The following ATP11A variants were observed in gnomAD, a reference collection of about 807,000 sequenced individuals.
ATP11A encodes ATPase phospholipid transporting 11A, also known as phospholipid-transporting ATPase IH.
Under a neutral mutation model 154.4 loss-of-function variants are expected in ATP11A, and 81 were observed. That is an observed-to-expected ratio of 0.52 (90% CI 0.44 to 0.63). The LOEUF is 0.63. ATP11A is among the 30% of genes least tolerant of loss of function. The pLI is 0.00. For missense variants in ATP11A, 1,316 were observed against 1,474.3 expected, an observed-to-expected ratio of 0.89 and a Z score of 1.76; for synonymous variants, 623 against 585.9, an observed-to-expected ratio of 1.06 and a Z score of -0.91.
intron 1 of ATP11A, among the ~76,000 whole-genome samples, chr13:112,714,708 A>C (rs553697940): frequency 6.6e-6 from 1 of 152,314 alleles, no homozygotes; most frequent in South Asian, 2.1e-4. Flanking sequence ...TGCTGAGAGC[A>C]CCGAGAGCCC....
At chr13:112,700,537 G>A (rs79379095) in intron 1 of ATP11A, among the ~76,000 whole-genome samples, 1,633 of 152,334 alleles carry the variant, frequency 0.011, 10 homozygotes, top group Non-Finnish European at 0.017. Flanking sequence ...TGAGGGTGGT[G>A]GGTGGGCGCA....
chr13:112,832,868 G>A lies in ATP11A; in HGVS notation c.1404G>A (p.Glu468=). The change falls in exon 14 of 30, where the codon GAG becomes GAA. Residue 468 remains glutamate (E), a synonymous_variant. Coordinates refer to ENST00000375645, the MANE Select transcript of ATP11A (RefSeq NM_015205.3). ...GAACTGCTTTTTTATAGGAGCGCGAGGAGCTGTTTTTCCGGGCCCTCTGTC... is the reference window on the plus strand; with the variant it reads ...GAACTGCTTTTTTATAGGAGCGCGAAGAGCTGTTTTTCCGGGCCCTCTGTC... ...SSPSVNGRER[E]ELFFRALCLC... The A allele has an allele frequency of 1.2e-6, 2 of 1,613,062 alleles. No individual in the cohort carries two copies. Among genetic ancestry groups the A allele is most frequent in the Non-Finnish European group, 1.7e-6 (2 of 1,179,228 alleles).
chr13:112,728,840 T>C (rs1182106079), intron 1 of ATP11A, among the ~76,000 whole-genome samples: 1 of 152,180 alleles, frequency 6.6e-6, no homozygotes, highest in Admixed American at 6.5e-5. Context: ...GGAATGGATA[T>C]ACAAACAGTT....
At chr13:112,692,091 G>A (rs1885264816) in intron 1 of ATP11A, among the ~76,000 whole-genome samples, 1 of 152,166 alleles carries the variant, frequency 6.6e-6, no homozygotes, top group Non-Finnish European at 1.5e-5. Flanking sequence ...GTGACTATAG[G>A]TAACCTGCAG....
intron 1 of ATP11A, among the ~76,000 whole-genome samples, chr13:112,739,233 C>G (rs772502167): frequency 2.0e-5 from 3 of 152,194 alleles, no homozygotes; most frequent in Non-Finnish European, 2.9e-5. Flanking sequence ...TCTGGTCAGG[C>G]ATTTGCATCC....
At chr13:112,720,463 G>A (rs1889018922) in intron 1 of ATP11A, among the ~76,000 whole-genome samples, 1 of 152,262 alleles carries the variant, frequency 6.6e-6, no homozygotes, top group Admixed American at 6.5e-5. Flanking sequence ...TTCGTCTGCT[G>A]TGGCCGCGGG....
At chr13:112,798,582 G>A (rs779689002) in intron 2 of ATP11A, among the ~76,000 whole-genome samples, 16 of 152,326 alleles carry the variant, frequency 1.1e-4, no homozygotes, top group African/African-American at 2.9e-4. Flanking sequence ...AGGAATCTGC[G>A]CCACACACAC....
Position 112,690,479 on chromosome 13 carries a change from G to A in ATP11A, c.39+24G>A, listed in dbSNP as rs763959264. 3 of 1,324,976 alleles carry A rather than the reference G, an allele frequency of 2.3e-6. No homozygotes were observed. The highest frequency in any genetic ancestry group is 2.9e-6 in the Non-Finnish European group (3 of 1,036,250). 82.1% of individuals were successfully genotyped at this position (1,324,976 alleles called of 1,614,324 possible). The stretch of plus-strand genomic sequence containing the variant: ...ACGTGAGTGCTCCCGGCGCGGGCTG[G>A]GGGACCCGGGGACCAGACAGACGCG... On this transcript the variant is annotated intron_variant, in intron 1 of 29. Coordinates refer to ENST00000375645, the MANE Select transcript of ATP11A (RefSeq NM_015205.3). This position sits in a 1 kb window ranked among gnomAD's most constrained non-coding sequence, Gnocchi z 5.6.
rs2077602876 is a variant in ATP11A at position 112,785,497 on chromosome 13, C to T, written c.162+240C>T. On this transcript the variant is annotated intron_variant, in intron 2 of 29. Transcript: ENST00000375645. This position sits in a 1 kb window ranked among gnomAD's most constrained non-coding sequence, Gnocchi z 4.8. Reference sequence around the variant, plus strand: ...GCTCACAGCGCAGTGTCTCCATTCTCGGGTGACCGTGCCACAGAGGCAGTG... The same window carrying T: ...GCTCACAGCGCAGTGTCTCCATTCTTGGGTGACCGTGCCACAGAGGCAGTG... 6.6e-6 allele frequency among the ~76,000 whole-genome samples: 1 copy of T among 152,044 alleles called. No individual in the cohort carries two copies. Among genetic ancestry groups the T allele is most frequent in the African/African-American group, 2.4e-5 (1 of 41,404 alleles).
At position 112,806,083 on chromosome 13, in the gene ATP11A, A is replaced by G. The variant is rs2078315130; in HGVS notation, c.253-130A>G. 9.6e-6 allele frequency: 6 copies of G among 625,526 alleles called. No individual in the cohort carries two copies. In the South Asian group the frequency reaches 1.0e-4, roughly 10 times the overall value. 38.7% of individuals were successfully genotyped at this position (625,526 alleles called of 1,614,324 possible). On this transcript the variant is annotated intron_variant, in intron 3 of 29. Transcript: ENST00000375645. ...TGACTTGCTATCTCCCGTGGTGGGCAGTCAGGTGCCAGCAAAGGTCTTTAA... is the reference window on the plus strand; with the variant it reads ...TGACTTGCTATCTCCCGTGGTGGGCGGTCAGGTGCCAGCAAAGGTCTTTAA...
chr13:112,878,184 C>A (rs757138068), intron 28 of ATP11A, 33 bp from the exon 29 acceptor site: 15 of 1,593,680 alleles, frequency 9.4e-6, no homozygotes, highest in Non-Finnish European at 7.7e-6. Context: ...TTCACACACC[C>A]CTGTGTGCGT....
At position 112,860,273 on chromosome 13, in the gene ATP11A, C is replaced by T; in HGVS notation, c.2728-14C>T. On this transcript the variant is annotated splice_polypyrimidine_tract_variant and intron_variant, in intron 23 of 29. Transcript: ENST00000375645. ...TGCACTGAGGTGCCACTTCTTGTGA[C>T]TTTCCTCTTACAGACTTTGTACGAC... 1 of 1,608,632 alleles carries T rather than the reference C, an allele frequency of 6.2e-7. No individual in the cohort carries two copies. Among genetic ancestry groups the T allele is most frequent in the African/African-American group, 1.3e-5 (1 of 74,886 alleles).
intron 2 of ATP11A, among the ~76,000 whole-genome samples, chr13:112,787,827 G>T (rs1322374793): frequency 6.9e-6 from 1 of 144,382 alleles, no homozygotes; most frequent in Non-Finnish European, 1.5e-5. Flanking sequence ...ATTCACACCG[G>T]TGTCCTAATT....
chr13:112,766,393 T>TGG (rs1262615728), intron 1 of ATP11A, among the ~76,000 whole-genome samples: 1 of 152,218 alleles, frequency 6.6e-6, no homozygotes, highest in Non-Finnish European at 1.5e-5. Flanking sequence ...TTCTCTCCTT[T>TGG]GGACACCTGT....
At chr13:112,812,414 T>G (rs1219881672) in intron 5 of ATP11A, among the ~76,000 whole-genome samples, 9 of 152,168 alleles carry the variant, frequency 5.9e-5, no homozygotes, top group Admixed American at 5.9e-4. Flanking sequence ...TTTTCCCAGC[T>G]GAGCCGTAGG....
At chr13:112,831,946 C>T (rs2079101074) in intron 13 of ATP11A, among the ~76,000 whole-genome samples, 2 of 128,186 alleles carry the variant, frequency 1.6e-5, no homozygotes, top group African/African-American at 7.2e-5. Flanking sequence ...CACATGCACA[C>T]ATGCAGACAC....
At chr13:112,833,956 C>G (rs934739678) in intron 14 of ATP11A, among the ~76,000 whole-genome samples, 1 of 152,240 alleles carries the variant, frequency 6.6e-6, no homozygotes, top group East Asian at 1.9e-4. Context: ...CCACTGCCAT[C>G]CCCCTGGTGC....
rs1010954047 is a variant in ATP11A at position 112,744,764 on chromosome 13, C to G, written c.40-40371C>G. 3.9e-5 allele frequency among the ~76,000 whole-genome samples: 6 copies of G among 152,334 alleles called. No homozygotes were observed. In the South Asian group the frequency reaches 6.2e-4, roughly 16 times the overall value. On this transcript the variant is annotated intron_variant, in intron 1 of 29. Transcript: ENST00000375645. ...AGCACAGAGTGCTCTGAACAGTGTT[C>G]CAAGTGTGTCCCAAGTTAAAACGTT...
At chr13:112,789,298 G>T (rs1336041940) in intron 2 of ATP11A, among the ~76,000 whole-genome samples, 23 of 149,438 alleles carry the variant, frequency 1.5e-4, no homozygotes, top group African/African-American at 5.0e-4. Context: ...TCCACACCAG[G>T]TGTCCTGATG....
Sources: gnomAD v4.1 joint callset for allele counts (sites outside exome capture counted in the v4.1 genomes callset) on GRCh38, gnomAD v4.1.1 for gene constraint, Gnocchi (gnomAD v3.1) non-coding constraint, MANE v1.5 for transcripts, NCBI Gene and HGNC (gene_info 2026-07-23, HGNC 2026-07-21) for gene names.